The following MOGAT1 variants were observed in gnomAD, a reference collection of about 807,000 sequenced individuals.
MOGAT1 encodes monoacylglycerol O-acyltransferase 1.
A neutral mutation model predicts 31.4 loss-of-function variants in MOGAT1; 32 were observed. The observed-to-expected ratio is 1.02, with a 90% CI of 0.77 to 1.37. The LOEUF (loss-of-function observed/expected upper bound fraction) is 1.37, where lower values mean the gene tolerates loss of function less well. Among genes scored for constraint, MOGAT1 ranks in the 40% most tolerant of loss-of-function variants. The pLI, the probability that MOGAT1 is intolerant of heterozygous loss-of-function variation, is 0.00. For missense variants in MOGAT1, 426 were observed against 402.0 expected (o/e 1.06, Z -0.51); for synonymous variants, 145 against 144.5 (o/e 1.00, Z -0.03).
chr2:222,682,118 CCA>C (rs10572442), intron 1 of MOGAT1, among the ~76,000 whole-genome samples: 59,244 of 150,688 alleles, frequency 0.39, 12,513 homozygotes, highest in African/African-American at 0.57. Flanking sequence ...CTCCCTCTCA[CCA>C]CACACACACA....
At chr2:222,687,036 C>T (rs1559230062) in intron 1 of MOGAT1, among the ~76,000 whole-genome samples, 1 of 145,034 alleles carries the variant, frequency 6.9e-6, no homozygotes, top group African/African-American at 2.6e-5. Flanking sequence ...ATCGCTTGAA[C>T]CCAGGAGGCA....
intron 3 of MOGAT1, among the ~76,000 whole-genome samples, chr2:222,690,800 G>T (rs1692747558): frequency 6.6e-6 from 1 of 152,194 alleles, no homozygotes; most frequent in African/African-American, 2.4e-5. Context: ...CCTGCAGAGG[G>T]TGCACTATCC....
At chr2:222,705,344 GC>G (rs1457425002) in intron 5 of MOGAT1, among the ~76,000 whole-genome samples, 1 of 152,154 alleles carries the variant, frequency 6.6e-6, no homozygotes, top group Non-Finnish European at 1.5e-5. Context: ...TGGGAATGCA[GC>G]CCAGTAGGTC....
chr2:222,687,641 ATTAGGAT>A (rs1426298394), intron 1 of MOGAT1, among the ~76,000 whole-genome samples: 2 of 152,206 alleles, frequency 1.3e-5, no homozygotes, highest in Admixed American at 6.5e-5. Context: ...TGCATAAACA[ATTAGGAT>A]TGCTCTCTCA....
At chr2:222,691,092 A>G (rs1692753734) in intron 3 of MOGAT1, among the ~76,000 whole-genome samples, 1 of 152,120 alleles carries the variant, frequency 6.6e-6, no homozygotes, top group African/African-American at 2.4e-5. Flanking sequence ...TCCATCTTAG[A>G]GTCTTTCTCC....
rs1390645097 is a variant in MOGAT1, at chr2:222,695,247, A to G, written c.812A>G (p.Asn271Ser). 1 of 1,613,428 alleles carries G rather than the reference A, an allele frequency of 6.2e-7. No individual in the cohort carries two copies. The highest frequency in any genetic ancestry group is 1.1e-5 in the South Asian group (1 of 90,988). Reference protein sequence around the residue: ...LFHARGVFQYNFGLMTYRKAI... With the variant: ...LFHARGVFQYSFGLMTYRKAI... ...CATGCCAGGGGAGTTTTTCAGTACA[A>G]TTTTGGCCTAATGACCTATAGGAAA... is the stretch of plus-strand genomic sequence containing the variant. The change falls in exon 5 of 6, where the codon AAT (asparagine) becomes AGT (serine). Residue 271 changes from asparagine (N) to serine (S), a missense_variant. By Grantham distance (46) the Asn-to-Ser change is conservative. Transcript: ENST00000446656.
intron 3 of MOGAT1, among the ~76,000 whole-genome samples, chr2:222,692,548 C>A (rs1054130092): frequency 6.6e-6 from 1 of 152,138 alleles, no homozygotes; most frequent in South Asian, 2.1e-4. Context: ...GAATTTAATG[C>A]ATTCGGTTTG....
chr2:222,685,598 C>CTTTTTTTTT (rs574124301), intron 1 of MOGAT1, among the ~76,000 whole-genome samples: 8 of 119,996 alleles, frequency 6.7e-5, no homozygotes, highest in African/African-American at 9.7e-5. Context: ...TCTTCTTCTT[C>CTTTTTTTTT]TTTTTTTTTT....
chr2:222,672,027 G>A, intron 1 of MOGAT1, 148 bp downstream of exon 1: 1 of 621,638 alleles, frequency 1.6e-6, no homozygotes, highest in Non-Finnish European at 2.9e-6. Flanking sequence ...TGGAGCTAAC[G>A]TGGACTCTGG....
In MOGAT1 at chr2:222,688,331, T is replaced by C. The variant is rs1426399894; in HGVS notation, c.95-13T>C. ...AACAGACTGATTCCATGAGACTTTT[T>C]CTTTTCTTACAGGGCCGATGTCCAT... On this transcript the variant is annotated splice_polypyrimidine_tract_variant and intron_variant, in intron 1 of 5. Coordinates refer to ENST00000446656, the MANE Select transcript of MOGAT1 (RefSeq NM_058165.3). 1.3e-6 allele frequency: 2 copies of C among 1,594,724 alleles called. No homozygotes were observed. The highest frequency in any genetic ancestry group is 1.7e-6 in the Non-Finnish European group (2 of 1,170,322).
At chr2:222,705,583 C>T (rs1194094295) in intron 5 of MOGAT1, among the ~76,000 whole-genome samples, 1 of 152,176 alleles carries the variant, frequency 6.6e-6, no homozygotes, top group South Asian at 2.1e-4. Flanking sequence ...TTGGCTGGAG[C>T]CCATTCCTTG....
intron 5 of MOGAT1, among the ~76,000 whole-genome samples, chr2:222,708,931 T>C (rs1693070622): frequency 6.6e-6 from 1 of 152,226 alleles, no homozygotes; most frequent in Non-Finnish European, 1.5e-5. Flanking sequence ...ACGTTAGCTG[T>C]TTTTCAGTTA....
At chr2:222,674,300 A>G (rs751992109) in intron 1 of MOGAT1, among the ~76,000 whole-genome samples, 7 of 152,244 alleles carry the variant, frequency 4.6e-5, no homozygotes, top group Non-Finnish European at 7.3e-5. Context: ...TATCTTGGAA[A>G]TTATATTGTG....
chr2:222,690,665 C>G (rs923334200), intron 3 of MOGAT1, among the ~76,000 whole-genome samples: 1 of 152,218 alleles, frequency 6.6e-6, no homozygotes, highest in Non-Finnish European at 1.5e-5. Context: ...TAGCATATCA[C>G]TAAGCACCCA....
intron 5 of MOGAT1, among the ~76,000 whole-genome samples, chr2:222,704,421 G>A (rs544552438): frequency 2.6e-5 from 4 of 151,840 alleles, no homozygotes; most frequent in Non-Finnish European, 2.9e-5. Context: ...TCAGGAGATC[G>A]AGACCATCCT....
chr2:222,705,056 T>C (rs2106045865), intron 5 of MOGAT1, among the ~76,000 whole-genome samples: 1 of 152,334 alleles, frequency 6.6e-6, no homozygotes, highest in African/African-American at 2.4e-5. Flanking sequence ...TTTTTGGTTA[T>C]TTCTTGATTA....
chr2:222,708,152 G>A (rs1203278040), intron 5 of MOGAT1, among the ~76,000 whole-genome samples: 1 of 152,074 alleles, frequency 6.6e-6, no homozygotes, highest in Non-Finnish European at 1.5e-5. Flanking sequence ...GGCGCAATCC[G>A]GTCTTACTGC....
intron 5 of MOGAT1, among the ~76,000 whole-genome samples, chr2:222,700,923 G>A (rs1028380546): frequency 1.3e-5 from 2 of 152,140 alleles, no homozygotes; most frequent in African/African-American, 2.4e-5. Context: ...ATCTCAGAGC[G>A]GCAAGTTATT....
At chr2:222,679,750 C>T (rs1399472310) in intron 1 of MOGAT1, among the ~76,000 whole-genome samples, 1 of 152,208 alleles carries the variant, frequency 6.6e-6, no homozygotes, top group African/African-American at 2.4e-5. Context: ...TAGGCTCCAG[C>T]AGACCTGAGC....
Sources: allele counts gnomAD v4.1 joint callset (sites outside exome capture counted in the v4.1 genomes callset), GRCh38; gene constraint gnomAD v4.1.1; transcripts MANE v1.5; gene names NCBI Gene and HGNC (gene_info 2026-07-23, HGNC 2026-07-21).